TAF1B: variants seen among roughly 807,000 people sequenced by gnomAD.
TAF1B encodes TATA box-binding protein-associated factor RNA polymerase I subunit B.
Under a neutral mutation model 83.9 loss-of-function variants are expected in TAF1B, and 61 were observed. That is an observed-to-expected ratio of 0.73 (90% confidence interval 0.59 to 0.90). TAF1B has a LOEUF of 0.90. Ranked by LOEUF, TAF1B falls within the 40% of genes least tolerant of loss-of-function variation. TAF1B has a pLI of 0.00. For missense variants in TAF1B, 625 were observed against 677.0 expected (o/e 0.92, Z 0.85); for synonymous variants, 221 against 224.6 (o/e 0.98, Z 0.14).
Position 9,914,092 on chromosome 2 carries a change from A to T in TAF1B, c.1271+843A>T, listed in dbSNP as rs1281842599. Among the ~76,000 whole-genome samples, 1 of 152,188 alleles carries T rather than the reference A, an allele frequency of 6.6e-6. No individual in the cohort carries two copies. Among genetic ancestry groups the T allele is most frequent in the African/African-American group, 2.4e-5 (1 of 41,456 alleles). On this transcript the variant is annotated intron_variant, in intron 12 of 14. Transcript: ENST00000263663. The surrounding 1 kb of genome is among the most constrained non-coding windows in gnomAD (Gnocchi z 4.3). The stretch of plus-strand genomic sequence containing the variant: ...TGCCCACTTATATACTGTAATTAAG[A>T]CCCAATTTTCCAGTATGAGAGTAGA...
chr2:9,872,194 C>T (rs190333967), intron 6 of TAF1B, among the ~76,000 whole-genome samples: 302 of 152,118 alleles, frequency 2.0e-3, no homozygotes, highest in South Asian at 0.011. Context: ...GGTGTGGTGG[C>T]GCACGCCTGT....
intron 9 of TAF1B, among the ~76,000 whole-genome samples, chr2:9,906,904 A>C (rs1321771525): frequency 6.6e-6 from 1 of 152,044 alleles, no homozygotes; most frequent in African/African-American, 2.4e-5. Flanking sequence ...TGAAGATAAG[A>C]TCTTGCTCTG....
intron 8 of TAF1B, among the ~76,000 whole-genome samples, chr2:9,894,837 T>G (rs1040047172): frequency 6.6e-6 from 1 of 152,132 alleles, no homozygotes; most frequent in Non-Finnish European, 1.5e-5. Context: ...AAATAGAAAT[T>G]ATTTTGAGAT....
chr2:9,908,028 C>CTTTTTTTTTTTTTTTT (rs57261740), intron 9 of TAF1B, among the ~76,000 whole-genome samples: 2 of 71,770 alleles, frequency 2.8e-5, no homozygotes, highest in Non-Finnish European at 4.6e-5. Flanking sequence ...GATCTTAATT[C>CTTTTTTTTTTTTTTTT]TTTTTTTTTT....
At chr2:9,900,573 G>A (rs1480240454) in intron 8 of TAF1B, among the ~76,000 whole-genome samples, 1 of 151,948 alleles carries the variant, frequency 6.6e-6, no homozygotes, top group Admixed American at 6.6e-5. Flanking sequence ...TCTTACCCTG[G>A]CTCCCAGTTG....
intron 8 of TAF1B, among the ~76,000 whole-genome samples, chr2:9,895,039 A>T (rs1337259771): frequency 6.6e-6 from 1 of 152,126 alleles, no homozygotes; most frequent in African/African-American, 2.4e-5. Flanking sequence ...GCAAATCCTC[A>T]TTGGTCAGCA....
intron 8 of TAF1B, among the ~76,000 whole-genome samples, chr2:9,902,269 C>T (rs930570553): frequency 1.3e-5 from 2 of 148,692 alleles, no homozygotes; most frequent in Non-Finnish European, 1.5e-5. Flanking sequence ...AAAATAGACA[C>T]GTAGGAAAGT....
At chr2:9,874,126 C>T (rs1664251884) in intron 6 of TAF1B, among the ~76,000 whole-genome samples, 1 of 152,140 alleles carries the variant, frequency 6.6e-6, no homozygotes, top group Non-Finnish European at 1.5e-5. Context: ...ATGGACTCAT[C>T]GTTCCACATG....
At chr2:9,919,519 T>G in intron 13 of TAF1B, 79 bp from the exon 14 acceptor site, 1 of 1,262,832 alleles carries the variant, frequency 7.9e-7, no homozygotes, top group Non-Finnish European at 1.1e-6. Flanking sequence ...ATTGGTACAT[T>G]CCTATCAAGT....
chr2:9,854,815 A>G (rs12619769), intron 5 of TAF1B, among the ~76,000 whole-genome samples: 27,313 of 152,158 alleles, frequency 0.18, 3,121 homozygotes, highest in East Asian at 0.31. Flanking sequence ...CTCAGTTATC[A>G]TATCTTCTCA....
At chr2:9,890,156 C>G (rs546558908) in intron 8 of TAF1B, among the ~76,000 whole-genome samples, 7 of 152,346 alleles carry the variant, frequency 4.6e-5, no homozygotes, top group Non-Finnish European at 1.0e-4. Context: ...ACTTCCCACC[C>G]TTGCACTGCA....
rs755531428 is a variant in TAF1B, at chr2:9,876,003, T to C, written c.692T>C (p.Leu231Pro). ...CTTTGGCAGAGAGAAGCAATAACAC[T>C]TTCAGATCTTTTGAGGTTAGCTAGA... ...SLLWQREAIT[L>P]SDLLRFVEED... Residue 231 changes from leucine (L) to proline (P), a missense_variant, in exon 7 of 15, where the codon CTT becomes CCT. Transcript: ENST00000263663. The C allele has an allele frequency of 6.2e-7, 1 of 1,609,302 alleles. No individual in the cohort carries two copies. Among genetic ancestry groups the C allele is most frequent in the Non-Finnish European group, 8.5e-7 (1 of 1,176,282 alleles).
intron 8 of TAF1B, among the ~76,000 whole-genome samples, chr2:9,887,851 GTTTGT>G (rs1439027182): frequency 6.6e-6 from 1 of 150,760 alleles, no homozygotes; most frequent in Non-Finnish European, 1.5e-5. Context: ...TGTTGTTGTT[GTTTGT>G]TTTATGTTTT....
At chr2:9,901,935 G>T (rs553905573) in intron 8 of TAF1B, among the ~76,000 whole-genome samples, 24 of 151,874 alleles carry the variant, frequency 1.6e-4, no homozygotes, top group Non-Finnish European at 2.8e-4. Flanking sequence ...TGGATTAAGA[G>T]AAAATTACTT....
At chr2:9,875,151 A>G (rs1200821554) in intron 6 of TAF1B, among the ~76,000 whole-genome samples, 1 of 151,986 alleles carries the variant, frequency 6.6e-6, no homozygotes, top group Non-Finnish European at 1.5e-5. Context: ...TTTAGTAAAG[A>G]CAAGATTTCA....
At chr2:9,928,829 C>T (rs9750736) in intron 14 of TAF1B, among the ~76,000 whole-genome samples, 77,617 of 152,040 alleles carry the variant, frequency 0.51, 22,887 homozygotes, top group Non-Finnish European at 0.68. Context: ...ACTTCCTCTT[C>T]TCCTAATTGA....
intron 14 of TAF1B, among the ~76,000 whole-genome samples, chr2:9,926,012 AT>A (rs1361527291): frequency 6.6e-6 from 1 of 152,154 alleles, no homozygotes; most frequent in Admixed American, 6.5e-5. Flanking sequence ...ATAATGGGAA[AT>A]TTCTGGTATA....
chr2:9,911,613 G>A (rs1665536424), intron 11 of TAF1B, 56 bp downstream of exon 11: 3 of 1,290,680 alleles, frequency 2.3e-6, no homozygotes, highest in Non-Finnish European at 3.2e-6. Flanking sequence ...TAGATTAAAA[G>A]ATGGAATAAA....
chr2:9,852,001 C>T (rs1035819578), intron 4 of TAF1B: 30 of 479,220 alleles, frequency 6.3e-5, no homozygotes, highest in Non-Finnish European at 1.2e-4. Flanking sequence ...AATTTGAGAA[C>T]AAAATCGTTT....
Sources: allele counts gnomAD v4.1 joint callset (sites outside exome capture counted in the v4.1 genomes callset), GRCh38; gene constraint gnomAD v4.1.1; non-coding constraint Gnocchi (gnomAD v3.1); transcripts MANE v1.5; gene names NCBI Gene and HGNC (gene_info 2026-07-23, HGNC 2026-07-21).